The following IPO11 variants were observed in gnomAD, a reference collection of about 807,000 sequenced individuals.
IPO11 encodes importin-11.
A neutral mutation model predicts 143.2 loss-of-function variants in IPO11; 66 were observed. That is an observed-to-expected ratio of 0.46 (90% CI 0.38 to 0.57). IPO11 has a LOEUF of 0.57. Ranked by LOEUF, IPO11 falls within the 20% of genes least tolerant of loss-of-function variation. The pLI, the probability that IPO11 is intolerant of heterozygous loss-of-function variation, is 0.00. For synonymous variants in IPO11, 385 were observed against 377.8 expected (o/e 1.02, Z -0.22); for missense variants, 1,026 against 1,141.0 (o/e 0.90, Z 1.45).
intron 16 of IPO11, among the ~76,000 whole-genome samples, chr5:62,500,942 T>C (rs1276058836): frequency 6.6e-6 from 1 of 152,206 alleles, no homozygotes; most frequent in African/African-American, 2.4e-5. Flanking sequence ...TATAATCTTA[T>C]GAGACTACGT....
intron 2 of IPO11, among the ~76,000 whole-genome samples, 187 bp from the exon 3 acceptor site, chr5:62,442,796 G>T (rs536908398): frequency 7.2e-5 from 11 of 152,158 alleles, no homozygotes; most frequent in Admixed American, 6.5e-4. Flanking sequence ...CCTGGGAGGC[G>T]GAGGTTGCAG....
intron 6 of IPO11, among the ~76,000 whole-genome samples, chr5:62,468,387 A>T (rs1745642154): frequency 6.6e-6 from 1 of 152,230 alleles, no homozygotes; most frequent in Admixed American, 6.5e-5. Flanking sequence ...CAGACAATGG[A>T]TGCACAAATC....
chr5:62,443,839 C>G (rs1245195846), intron 3 of IPO11, among the ~76,000 whole-genome samples: 1 of 152,082 alleles, frequency 6.6e-6, no homozygotes, highest in African/African-American at 2.4e-5. Flanking sequence ...AATGCAAAAT[C>G]ATTGTAGACA....
chr5:62,419,096 C>T (rs1312977451), intron 1 of IPO11: 2 of 1,550,708 alleles, frequency 1.3e-6, no homozygotes, highest in Non-Finnish European at 1.7e-6. Context: ...CATGTTACTG[C>T]ACTGAATACT....
At chr5:62,619,490 C>T (rs1349703970) in intron 29 of IPO11, among the ~76,000 whole-genome samples, 1 of 152,104 alleles carries the variant, frequency 6.6e-6, no homozygotes, top group African/African-American at 2.4e-5. Context: ...AACATTTATT[C>T]CTGGTAAAAT....
chr5:62,542,069 TTTTTTTTA>T lies in IPO11; in HGVS notation c.2250+4797_2250+4804del, dbSNP rs574267715. Among the ~76,000 whole-genome samples, 7 of 151,852 alleles carry T rather than the reference TTTTTTTTA, an allele frequency of 4.6e-5. No homozygotes were observed. The South Asian group carries it at 1.5e-3, about 32-fold the overall frequency. On this transcript the variant is annotated intron_variant, in intron 24 of 29. Transcript: ENST00000325324. ...CATCTCTCTTTTTTATTTCTTTTTA[TTTTTTTTA>T]TTTTTTTATTTTTTTAAGATGGAGT...
At chr5:62,506,453 C>A in intron 19 of IPO11, 96 bp downstream of exon 19, 1 of 668,510 alleles carries the variant, frequency 1.5e-6, no homozygotes, top group Non-Finnish European at 2.6e-6. Context: ...AGAGTTAAAA[C>A]ATTAATTGAA....
intron 23 of IPO11, among the ~76,000 whole-genome samples, chr5:62,536,984 C>T (rs2112324390): frequency 6.6e-6 from 1 of 152,148 alleles, no homozygotes. Flanking sequence ...GCTATGTCAA[C>T]AAATTTTTTT....
At chr5:62,513,247 G>C (rs1210646581) in intron 19 of IPO11, among the ~76,000 whole-genome samples, 1,533 of 147,602 alleles carry the variant, frequency 0.01, no homozygotes, top group East Asian at 0.069. Context: ...GACGGGGCGG[G>C]TGGCCGGGCG....
In IPO11 at chr5:62,573,066, A is replaced by G. The variant is rs148796586; in HGVS notation, c.2582+11809A>G. Among the ~76,000 whole-genome samples, 300 of 149,860 alleles carry G rather than the reference A, an allele frequency of 2.0e-3. 1 individual carries two copies. The highest frequency in any genetic ancestry group is 7.1e-3 in the African/African-American group (288 of 40,822). ...GTGTAAAGCTTTACTGTTTTTTTTG[A>G]GATGGAGTTTCACACTGTCGCCCAG... On this transcript the variant is annotated intron_variant, in intron 27 of 29. Coordinates refer to ENST00000325324, the MANE Select transcript of IPO11 (RefSeq NM_016338.5).
chr5:62,538,055 C>T (rs1742798631), intron 24 of IPO11, among the ~76,000 whole-genome samples: 1 of 151,956 alleles, frequency 6.6e-6, no homozygotes, highest in Admixed American at 6.6e-5. Context: ...AAAAAAAGTA[C>T]CTTTATTTTT....
intron 27 of IPO11, among the ~76,000 whole-genome samples, chr5:62,584,924 T>G (rs1580353630): frequency 1.3e-5 from 2 of 152,282 alleles, no homozygotes; most frequent in African/African-American, 4.8e-5. Flanking sequence ...CAGATGTGCC[T>G]TGTTTCATTG....
chr5:62,463,229 AG>A (rs1455847701), intron 5 of IPO11, among the ~76,000 whole-genome samples: 1 of 152,106 alleles, frequency 6.6e-6, no homozygotes, highest in Non-Finnish European at 1.5e-5. Context: ...AACATTTTGT[AG>A]AAAAAGGGTC....
intron 28 of IPO11, among the ~76,000 whole-genome samples, chr5:62,598,518 C>CTTTCTTTCTTTTCTTTCT (rs1561380859): frequency 3.4e-4 from 2 of 5,964 alleles, no homozygotes; most frequent in Non-Finnish European, 4.8e-4. Context: ...TTCTTTCTTT[C>CTTTCTTTCTTTTCTTTCT]TTTCTTTCTT....
At chr5:62,469,621 C>T (rs1315991317) in intron 6 of IPO11, among the ~76,000 whole-genome samples, 7 of 152,074 alleles carry the variant, frequency 4.6e-5, no homozygotes, top group South Asian at 2.1e-4. Flanking sequence ...ATTTGTTAAC[C>T]GCATTTTACA....
intron 20 of IPO11, among the ~76,000 whole-genome samples, chr5:62,523,547 G>T (rs7729131): frequency 0.016 from 2,493 of 152,162 alleles, 65 homozygotes; most frequent in African/African-American, 0.058. Flanking sequence ...AAGATGATGA[G>T]AACCTGAATT....
At chr5:62,473,329 T>C (rs1378037871) in intron 7 of IPO11, among the ~76,000 whole-genome samples, 1 of 152,182 alleles carries the variant, frequency 6.6e-6, no homozygotes, top group African/African-American at 2.4e-5. Context: ...GAATTCAGAA[T>C]TTTACATTTT....
chr5:62,437,333 C>T lies in IPO11; in HGVS notation c.54C>T (p.Thr18=), dbSNP rs1468353624. The change falls in exon 2 of 30, where the codon ACC becomes ACT. Residue 18 remains threonine, a synonymous_variant. Coordinates refer to ENST00000325324, the MANE Select transcript of IPO11 (RefSeq NM_016338.5). The stretch of plus-strand genomic sequence containing the variant: ...TTCTTCAGGTGTTAACACAGGCCAC[C>T]AGTCAGGATACTGCTGTGTTAAAAC... ...TVVLQVLTQA[T]SQDTAVLKPA... 1 of 1,612,026 alleles carries T rather than the reference C, an allele frequency of 6.2e-7. No homozygotes were observed. The highest frequency in any genetic ancestry group is 1.1e-5 in the South Asian group (1 of 90,762).
chr5:62,538,324 C>T (rs1280002638), intron 24 of IPO11, among the ~76,000 whole-genome samples: 1 of 152,184 alleles, frequency 6.6e-6, no homozygotes, highest in African/African-American at 2.4e-5. Flanking sequence ...TGAAGTCTTA[C>T]TTCATAACTG....
Sources: allele counts gnomAD v4.1 joint callset (sites outside exome capture counted in the v4.1 genomes callset), GRCh38; gene constraint gnomAD v4.1.1; transcripts MANE v1.5; gene names NCBI Gene and HGNC (gene_info 2026-07-23, HGNC 2026-07-21).